CAMTA1: variants seen among roughly 807,000 people sequenced by gnomAD.
The protein encoded by CAMTA1 is calmodulin binding transcription activator 1.
Under a neutral mutation model 170.9 loss-of-function variants are expected in CAMTA1, and 27 were observed. That is an observed-to-expected ratio of 0.16 (90% CI 0.12 to 0.22). CAMTA1 has a LOEUF of 0.22. CAMTA1 is among the 10% of genes least tolerant of loss of function. The pLI is 1.00. For missense variants in CAMTA1, 1,619 were observed against 2,217.2 expected (o/e 0.73, Z 5.42); for synonymous variants, 833 against 891.5 (o/e 0.93, Z 1.17).
chr1:7,672,482 T>G (rs2096069120), intron 10 of CAMTA1, among the ~76,000 whole-genome samples: 1 of 152,108 alleles, frequency 6.6e-6, no homozygotes, highest in Non-Finnish European at 1.5e-5. Context: ...AGTGCAGTGA[T>G]GCAATCTCGG....
intron 1 of CAMTA1, among the ~76,000 whole-genome samples, chr1:6,817,122 AT>A (rs1347126129): frequency 2.0e-5 from 3 of 152,104 alleles, no homozygotes; most frequent in African/African-American, 7.2e-5. Flanking sequence ...TCTGTCACTG[AT>A]TTACTTATTG....
intron 3 of CAMTA1, among the ~76,000 whole-genome samples, chr1:6,842,203 C>G (rs1330767388): frequency 6.6e-6 from 1 of 152,158 alleles, no homozygotes; most frequent in African/African-American, 2.4e-5. Context: ...GGTGGAAGAC[C>G]AAGTTAGTGC....
intron 3 of CAMTA1, among the ~76,000 whole-genome samples, chr1:7,054,919 G>A (rs114799931): frequency 6.6e-6 from 1 of 152,274 alleles, no homozygotes; most frequent in South Asian, 2.1e-4. Flanking sequence ...GGAGGCCTCA[G>A]GAAACTTACA....
intron 6 of CAMTA1, among the ~76,000 whole-genome samples, chr1:7,622,165 T>A (rs995431041): frequency 2.0e-5 from 3 of 152,266 alleles, no homozygotes; most frequent in Non-Finnish European, 2.9e-5. Flanking sequence ...CGGCTACTCA[T>A]GGCTGGGAAC....
intron 3 of CAMTA1, among the ~76,000 whole-genome samples, chr1:7,004,462 T>A (rs1379603448): frequency 6.6e-6 from 1 of 152,170 alleles, no homozygotes; most frequent in Non-Finnish European, 1.5e-5. Flanking sequence ...CCCATTTTAT[T>A]GCTAGAATGT....
chr1:7,712,168 A>C (rs1558194364), intron 11 of CAMTA1, among the ~76,000 whole-genome samples: 1 of 152,186 alleles, frequency 6.6e-6, no homozygotes, highest in Non-Finnish European at 1.5e-5. Context: ...TGGTAAATGG[A>C]AACAGTTTTG....
intron 6 of CAMTA1, among the ~76,000 whole-genome samples, chr1:7,546,482 A>C (rs546349819): frequency 2.0e-5 from 3 of 152,194 alleles, no homozygotes; most frequent in Non-Finnish European, 2.9e-5. Flanking sequence ...ATGTATCTTT[A>C]TAACAAAATG....
intron 9 of CAMTA1, among the ~76,000 whole-genome samples, chr1:7,668,955 G>C (rs900624235): frequency 2.4e-4 from 37 of 152,190 alleles, no homozygotes; most frequent in African/African-American, 8.2e-4. Context: ...CCAAAGTCAG[G>C]CTCCACCTGT....
chr1:6,872,032 G>A, intron 3 of CAMTA1: 5 of 1,088,318 alleles, frequency 4.6e-6, no homozygotes, highest in Non-Finnish European at 5.8e-6. Context: ...TGTAATCTGT[G>A]TTTTCATCCT....
intron 5 of CAMTA1, among the ~76,000 whole-genome samples, chr1:7,434,001 G>C (rs2092266254): frequency 1.3e-5 from 2 of 152,044 alleles, no homozygotes; most frequent in South Asian, 4.1e-4. Context: ...CTGGACCTTG[G>C]GCTTCACTGC....
Position 7,689,170 on chromosome 1 carries a change from G to A in CAMTA1, c.2914+11437G>A, listed in dbSNP as rs12143742. On this transcript the variant is annotated intron_variant, in intron 11 of 22. Transcript: ENST00000303635. Reference sequence around the variant, plus strand: ...TGGTCCCAGCTACTCGGGAGGCTGAGGCAGGAGAATCGCTTGAACCCAGGA... The same window carrying A: ...TGGTCCCAGCTACTCGGGAGGCTGAAGCAGGAGAATCGCTTGAACCCAGGA... Among the ~76,000 whole-genome samples, 434 of 150,662 alleles carry A rather than the reference G, an allele frequency of 2.9e-3. 3 individuals carry two copies. Among genetic ancestry groups the A allele is most frequent in the Non-Finnish European group, 3.3e-3 (223 of 67,706 alleles).
chr1:6,816,939 T>C (rs547949749), intron 1 of CAMTA1, among the ~76,000 whole-genome samples: 17 of 152,206 alleles, frequency 1.1e-4, no homozygotes, highest in Non-Finnish European at 2.2e-4. Context: ...TGAGAACCTA[T>C]GGTTTTCAAA....
At chr1:7,345,583 G>A (rs1339417339) in intron 5 of CAMTA1, among the ~76,000 whole-genome samples, 3 of 152,170 alleles carry the variant, frequency 2.0e-5, no homozygotes, top group Non-Finnish European at 4.4e-5. Flanking sequence ...AAACCCCGGG[G>A]CTCACTTTCC....
chr1:7,704,331 C>T (rs2096480456), intron 11 of CAMTA1, among the ~76,000 whole-genome samples: 1 of 145,610 alleles, frequency 6.9e-6, no homozygotes, highest in South Asian at 2.1e-4. Flanking sequence ...CGGGGGCCGT[C>T]GGCCCGGGCA....
chr1:7,430,731 C>T (rs1304985985), intron 5 of CAMTA1, among the ~76,000 whole-genome samples: 2 of 152,200 alleles, frequency 1.3e-5, no homozygotes, highest in Non-Finnish European at 2.9e-5. Flanking sequence ...GCATGTTCAC[C>T]CACAGGGAAG....
chr1:7,555,614 AG>A (rs34320937), intron 6 of CAMTA1, among the ~76,000 whole-genome samples: 94,934 of 151,820 alleles, frequency 0.63, 30,176 homozygotes, highest in South Asian at 0.74. Context: ...CTCCTGGAAC[AG>A]GCAGGAGAAA....
intron 5 of CAMTA1, among the ~76,000 whole-genome samples, chr1:7,453,195 G>A (rs1340540680): frequency 6.6e-6 from 1 of 152,246 alleles, no homozygotes; most frequent in Admixed American, 6.5e-5. Flanking sequence ...GTGGAATCGT[G>A]TCCAGCGGCA....
chr1:7,354,971 G>A lies in CAMTA1; in HGVS notation c.438+105345G>A, dbSNP rs74423901. The stretch of plus-strand genomic sequence containing the variant: ...AATTCCAGCACTTAGGAAGGCTGAG[G>A]GGGGTGGATTGATTGCTTGAGCTCA... On this transcript the variant is annotated intron_variant, in intron 5 of 22. Transcript: ENST00000303635. 1.4e-4 allele frequency among the ~76,000 whole-genome samples: 21 copies of A among 152,096 alleles called. 1 individual carries two copies. In the South Asian group the frequency reaches 4.2e-3, roughly 30 times the overall value.
intron 1 of CAMTA1, 90 bp downstream of exon 1, chr1:6,785,665 G>C (rs1048641492): frequency 1.9e-6 from 1 of 530,866 alleles, no homozygotes; most frequent in African/African-American, 2.2e-5. Context: ...GCGGCGCCGG[G>C]CGGGAGCGCG....
Sources: gnomAD v4.1 joint callset for allele counts (sites outside exome capture counted in the v4.1 genomes callset) on GRCh38, gnomAD v4.1.1 for gene constraint, MANE v1.5 for transcripts, NCBI Gene and HGNC (gene_info 2026-07-23, HGNC 2026-07-21) for gene names.